The following DNAH2 variants were observed in gnomAD, a reference collection of about 807,000 sequenced individuals.
DNAH2 encodes the protein dynein axonemal heavy chain 2.
Under a neutral mutation model 523.5 loss-of-function variants are expected in DNAH2, and 323 were observed. The ratio of observed to expected loss-of-function variants is 0.62; its 90% confidence interval spans 0.56 to 0.68. DNAH2 has a LOEUF of 0.68. Among genes scored for constraint, DNAH2 ranks in the 30% least tolerant of loss-of-function variants. The pLI is 0.00. For synonymous variants in DNAH2, 2,093 were observed against 2,177.4 expected, an observed-to-expected ratio of 0.96 and a Z score of 1.08; for missense variants, 4,907 against 5,701.5, an observed-to-expected ratio of 0.86 and a Z score of 4.49.
rs1310891527 is a variant in DNAH2, at chr17:7,818,470, G to T, written c.10536+10G>T. 6.2e-7 allele frequency: 1 copy of T among 1,614,070 alleles called. No homozygotes were observed. Among genetic ancestry groups the T allele is most frequent in the Admixed American group, 1.7e-5 (1 of 60,026 alleles). ...TGCTGTTAAAGAACAGGTGGGTACA[G>T]GCTGAGGTCCAGACTGAGCTAGGGT... On this transcript the variant is annotated intron_variant, in intron 69 of 85. Coordinates refer to ENST00000572933, the MANE Select transcript of DNAH2 (RefSeq NM_020877.5).
At chr17:7,767,354 G>A (rs566137934) in intron 22 of DNAH2, among the ~76,000 whole-genome samples, 1 of 152,228 alleles carries the variant, frequency 6.6e-6, no homozygotes, top group East Asian at 1.9e-4. Context: ...GGACATTTGG[G>A]TTGTTTCCAC....
At position 7,823,881 on chromosome 17, in the gene DNAH2, C is replaced by T. The variant is rs141201913; in HGVS notation, c.11377C>T (p.Arg3793Cys). The T allele has an allele frequency of 3.2e-5, 51 of 1,614,142 alleles. No homozygotes were observed. The highest frequency in any genetic ancestry group is 1.6e-4 in the Middle Eastern group (1 of 6,062). ...CNEMQRMLIVRSLRQDRVAFC... is the reference protein window; with the variant it reads ...CNEMQRMLIVCSLRQDRVAFC... ...TGAAATGCAACGGATGCTGATCGTTCGCTCCCTGCGCCAGGACCGCGTGGC... is the reference window on the plus strand; with the variant it reads ...TGAAATGCAACGGATGCTGATCGTTTGCTCCCTGCGCCAGGACCGCGTGGC... The change falls in exon 75 of 86, where the codon CGC (arginine) becomes TGC (cysteine). Residue 3793 changes from arginine (R) to cysteine (C), a missense_variant. This residue lies in a region of DNAH2 where 1,851 missense variants were observed against 2,139.4 expected (regional missense o/e 0.87). Coordinates refer to ENST00000572933, the MANE Select transcript of DNAH2 (RefSeq NM_020877.5).
intron 32 of DNAH2, 68 bp downstream of exon 32, chr17:7,776,957 C>G: frequency 1.5e-6 from 2 of 1,330,358 alleles, no homozygotes; most frequent in Non-Finnish European, 2.1e-6. Context: ...GTGGTAGGAG[C>G]CCACTCGCTT....
At chr17:7,741,226 T>TTTTCTCTCTCTC (rs2075305275) in intron 11 of DNAH2, among the ~76,000 whole-genome samples, 1 of 142,148 alleles carries the variant, frequency 7.0e-6, no homozygotes, top group Non-Finnish European at 1.6e-5. Context: ...CCTTTCTTTT[T>TTTTCTCTCTCTC]TTTCTCTCTC....
intron 20 of DNAH2, among the ~76,000 whole-genome samples, chr17:7,764,782 CTTTT>C (rs59188289): frequency 2.0e-5 from 1 of 49,504 alleles, no homozygotes; most frequent in African/African-American, 9.0e-5. Context: ...ACTGTATTTA[CTTTT>C]TTTTTTTTTT....
At chr17:7,740,302 G>C in intron 9 of DNAH2, 118 bp from the exon 10 acceptor site, 1 of 1,472,286 alleles carries the variant, frequency 6.8e-7, no homozygotes, top group Non-Finnish European at 9.2e-7. Flanking sequence ...AAAGTACTTG[G>C]AGTGCCTGGC....
At chr17:7,817,242 C>T (rs372393879) in intron 64 of DNAH2, 48 bp from the exon 65 acceptor site, 216 of 1,567,710 alleles carry the variant, frequency 1.4e-4, no homozygotes, top group Middle Eastern at 3.9e-4. Flanking sequence ...CAAGTGTCTC[C>T]CAGAGTGCTG....
chr17:7,755,405 A>T (rs1448178616), intron 12 of DNAH2, among the ~76,000 whole-genome samples: 1 of 152,000 alleles, frequency 6.6e-6, no homozygotes, highest in African/African-American at 2.4e-5. Flanking sequence ...AGTCGGATTT[A>T]GCCAGCACTG....
intron 42 of DNAH2, 31 bp downstream of exon 42, chr17:7,787,064 G>A (rs773961729): frequency 1.2e-6 from 2 of 1,611,382 alleles, no homozygotes; most frequent in Non-Finnish European, 1.7e-6. Flanking sequence ...CTGGAGGCCT[G>A]CAGAGGCAGG....
At position 7,778,166 on chromosome 17, in the gene DNAH2, C is replaced by T. The variant is rs1446792330; in HGVS notation, c.5337C>T (p.Thr1779=). Reference sequence around the variant, plus strand: ...GTAACTCGGGCCGGCTCGTCATCACCCCCCTGACGGACAGGTCTGCCATGT... The same window carrying T: ...GTAACTCGGGCCGGCTCGTCATCACTCCCCTGACGGACAGGTCTGCCATGT... ...YLGNSGRLVI[T]PLTDRCYMTL... The change falls in exon 34 of 86, where the codon ACC becomes ACT. Residue 1779 remains threonine, a synonymous_variant. Coordinates refer to ENST00000572933, the MANE Select transcript of DNAH2 (RefSeq NM_020877.5). 1.2e-6 allele frequency: 2 copies of T among 1,614,218 alleles called. No individual in the cohort carries two copies. Among genetic ancestry groups the T allele is most frequent in the Admixed American group, 1.7e-5 (1 of 60,024 alleles).
Position 7,807,103 on chromosome 17 carries a change from G to T in DNAH2, c.9443-47G>T. On this transcript the variant is annotated intron_variant, in intron 61 of 85. Coordinates refer to ENST00000572933, the MANE Select transcript of DNAH2 (RefSeq NM_020877.5). This position sits in a 1 kb window ranked among gnomAD's most constrained non-coding sequence, Gnocchi z 5.6. ...TGGAGGTGAAACTGCTGGACAAGGAGGATGGCATTAAGCCTCTGGCTAAGG... is the reference window on the plus strand; with the variant it reads ...TGGAGGTGAAACTGCTGGACAAGGATGATGGCATTAAGCCTCTGGCTAAGG... 1 of 1,578,924 alleles carries T rather than the reference G, an allele frequency of 6.3e-7. No homozygotes were observed. The highest frequency in any genetic ancestry group is 1.3e-5 in the African/African-American group (1 of 74,364).
In DNAH2 at chr17:7,758,572, C is replaced by T. The variant is rs778991094; in HGVS notation, c.2129C>T (p.Pro710Leu). The T allele has an allele frequency of 4.2e-5, 68 of 1,614,002 alleles. No homozygotes were observed. The highest frequency in any genetic ancestry group is 1.9e-4 in the African/African-American group (14 of 74,920). Residue 710 changes from proline (P) to leucine (L), a missense_variant, in exon 14 of 86, where the codon CCG becomes CTG. By Grantham distance (98) the Pro-to-Leu change is moderately conservative. This residue lies in a region of DNAH2 where 2,806 missense variants were observed against 3,190.8 expected (regional missense o/e 0.88). Coordinates refer to ENST00000572933, the MANE Select transcript of DNAH2 (RefSeq NM_020877.5). ...RIRLLDKKIH[P>L]GLKKLHWALK... ...CGGCTCCTGGATAAGAAGATCCACCCGGGACTCAAGAAACTGCACTGGGCC... is the reference window on the plus strand; with the variant it reads ...CGGCTCCTGGATAAGAAGATCCACCTGGGACTCAAGAAACTGCACTGGGCC...
chr17:7,749,651 G>A (rs1435898918), intron 12 of DNAH2, among the ~76,000 whole-genome samples: 1 of 151,936 alleles, frequency 6.6e-6, no homozygotes, highest in Non-Finnish European at 1.5e-5. Context: ...ATTTTACATT[G>A]TTATAGTTCT....
intron 2 of DNAH2, among the ~76,000 whole-genome samples, chr17:7,722,275 G>T (rs1334049743): frequency 6.6e-6 from 1 of 152,102 alleles, no homozygotes; most frequent in East Asian, 1.9e-4. Context: ...AAAGTGCTGG[G>T]ATTACAGGTA....
Position 7,718,274 on chromosome 17 carries a change from C to G in DNAH2, c.-540C>G, listed in dbSNP as rs1202424133. On this transcript the variant is annotated 5_prime_UTR_variant, in exon 1 of 86. Coordinates refer to ENST00000572933, the MANE Select transcript of DNAH2 (RefSeq NM_020877.5). ...CAGGAAAGCGCAGCTTGATGCTTCT[C>G]TGGAGACTGATGGAGGAAGCCTCCT... 2 of 152,206 alleles carry G rather than the reference C, an allele frequency of 1.3e-5. No individual in the cohort carries two copies. Among genetic ancestry groups the G allele is most frequent in the Admixed American group, 1.3e-4 (2 of 15,278 alleles). 9.4% of individuals were successfully genotyped at this position (152,206 alleles called of 1,614,324 possible).
At position 7,752,627 on chromosome 17, in the gene DNAH2, G is replaced by A. The variant is rs186039128; in HGVS notation, c.1905-4464G>A. ...CAGGAGGCTGAGGCAGGAGAATGGC[G>A]TGAACCTGGGAGGCAGAGCTTGCAG... On this transcript the variant is annotated intron_variant, in intron 12 of 85. Coordinates refer to ENST00000572933, the MANE Select transcript of DNAH2 (RefSeq NM_020877.5). Among the ~76,000 whole-genome samples the A allele has an allele frequency of 5.9e-3, 894 of 152,114 alleles. 5 individuals carry two copies. Among genetic ancestry groups the A allele is most frequent in the African/African-American group, 0.018 (761 of 41,506 alleles).
intron 11 of DNAH2, among the ~76,000 whole-genome samples, chr17:7,741,303 T>TTTCTTTCTTTCTTTCC (rs2075331919): frequency 1.3e-5 from 1 of 76,812 alleles, no homozygotes; most frequent in Non-Finnish European, 2.4e-5. Flanking sequence ...TCTTCCTTCC[T>TTTCTTTCTTTCTTTCC]TCCCTCCCTC....
rs201655659 is a variant in DNAH2, at chr17:7,798,736, C to T, written c.8559+18C>T. On this transcript the variant is annotated intron_variant, in intron 55 of 85. Coordinates refer to ENST00000572933, the MANE Select transcript of DNAH2 (RefSeq NM_020877.5). The surrounding 1 kb of genome is among the most constrained non-coding windows in gnomAD (Gnocchi z 5.5). ...TTGAAGAGGTAGGATTCCTTCCACA[C>T]CCTTGACCAGTCAGTTCTTTGGCCT... 1.2e-6 allele frequency: 2 copies of T among 1,605,102 alleles called. No homozygotes were observed. Among genetic ancestry groups the T allele is most frequent in the East Asian group, 4.5e-5 (2 of 44,756 alleles).
chr17:7,734,843 G>A (rs2075096458), intron 7 of DNAH2, 135 bp downstream of exon 7: 1 of 819,068 alleles, frequency 1.2e-6, no homozygotes, highest in Non-Finnish European at 2.0e-6. Flanking sequence ...GTTCGGCCTT[G>A]TACTTGCAGG....
Sources: allele counts gnomAD v4.1 joint callset (sites outside exome capture counted in the v4.1 genomes callset), GRCh38; gene constraint gnomAD v4.1.1; regional missense constraint gnomAD v4.1.1; non-coding constraint Gnocchi (gnomAD v3.1); transcripts MANE v1.5; gene names NCBI Gene and HGNC (gene_info 2026-07-23, HGNC 2026-07-21).